The following MRTFA variants were observed in gnomAD, a reference collection of about 807,000 sequenced individuals.
MRTFA encodes the protein myocardin-related transcription factor A.
MRTFA carries 20 observed loss-of-function variants against 83.5 expected under a neutral mutation model. That is an observed-to-expected ratio of 0.24 (90% CI 0.17 to 0.35). The LOEUF (loss-of-function observed/expected upper bound fraction) is 0.35. MRTFA is among the 10% of genes least tolerant of loss of function. The probability of loss-of-function intolerance (pLI) is 1.00; values close to 1 mark genes in which losing one functional copy is unlikely to be tolerated. For synonymous variants in MRTFA, 659 were observed against 541.2 expected (o/e 1.22, Z -3.02); for missense variants, 1,200 against 1,224.7 (o/e 0.98, Z 0.30).
rs977523483 is a variant in MRTFA, at chr22:40,415,675, C to G, written c.2578+1311G>C. 2.0e-5 allele frequency among the ~76,000 whole-genome samples: 3 copies of G among 152,218 alleles called. No individual in the cohort carries two copies. In the East Asian group the frequency reaches 5.8e-4, roughly 29 times the overall value. On this transcript the variant is annotated intron_variant, in intron 14 of 14. Coordinates refer to ENST00000355630, the MANE Select transcript of MRTFA (RefSeq NM_020831.6). ...TTCTACTCCCAGCTGGGTCCCCTCA[C>G]ACAGACGCGCGCTATTTCCTGCCCA... is the stretch of plus-strand genomic sequence containing the variant.
chr22:40,547,249 G>A (rs572336444), intron 3 of MRTFA, among the ~76,000 whole-genome samples: 3 of 151,950 alleles, frequency 2.0e-5, no homozygotes, highest in South Asian at 2.1e-4. Context: ...ACAAAATAAA[G>A]TTTCTGCCCT....
chr22:40,534,619 C>T (rs935136129), intron 3 of MRTFA, among the ~76,000 whole-genome samples: 2 of 152,170 alleles, frequency 1.3e-5, no homozygotes, highest in Non-Finnish European at 2.9e-5. Context: ...AGCGATCTGC[C>T]CACCTTAGCC....
At chr22:40,498,273 ATTTTTTT>A (rs1189933906) in intron 3 of MRTFA, among the ~76,000 whole-genome samples, 2 of 40,980 alleles carry the variant, frequency 4.9e-5, no homozygotes, top group Non-Finnish European at 8.5e-5. Flanking sequence ...ATATATATAT[ATTTTTTT>A]TTTTTTTTTT....
At chr22:40,500,997 G>A (rs1257589368) in intron 3 of MRTFA, among the ~76,000 whole-genome samples, 1 of 132,762 alleles carries the variant, frequency 7.5e-6, no homozygotes, top group East Asian at 2.3e-4. Flanking sequence ...TCACCTCCCG[G>A]ACGGGGCGGC....
intron 3 of MRTFA, among the ~76,000 whole-genome samples, chr22:40,468,098 G>A (rs1332839746): frequency 6.6e-6 from 1 of 152,178 alleles, no homozygotes; most frequent in African/African-American, 2.4e-5. Flanking sequence ...TAGCTACTTT[G>A]GGGGTGAGGG....
At chr22:40,570,496 T>C (rs932486807) in intron 2 of MRTFA, among the ~76,000 whole-genome samples, 10 of 134,656 alleles carry the variant, frequency 7.4e-5, no homozygotes, top group African/African-American at 2.8e-4. Flanking sequence ...GAGAACGGCA[T>C]GAACCCAGGA....
In MRTFA at chr22:40,429,560, C is replaced by G. The variant is rs12160809; in HGVS notation, c.601+46G>C. 3 of 1,611,978 alleles carry G rather than the reference C, an allele frequency of 1.9e-6. No individual in the cohort carries two copies. In the East Asian group the frequency reaches 6.7e-5, roughly 36 times the overall value. On this transcript the variant is annotated intron_variant, in intron 7 of 14. Coordinates refer to ENST00000355630, the MANE Select transcript of MRTFA (RefSeq NM_020831.6). ...CTTCAGCCTGGCACTCCCTCCCCTCCTGCATCTCAGCTGCCTCTCACACAG... is the reference window on the plus strand; with the variant it reads ...CTTCAGCCTGGCACTCCCTCCCCTCGTGCATCTCAGCTGCCTCTCACACAG...
chr22:40,535,415 T>C (rs2055154220), intron 3 of MRTFA, among the ~76,000 whole-genome samples: 1 of 136,948 alleles, frequency 7.3e-6, no homozygotes, highest in Admixed American at 8.6e-5. Context: ...TACAATGGCA[T>C]GATCTCAGGT....
intron 4 of MRTFA, among the ~76,000 whole-genome samples, chr22:40,440,344 G>A (rs9611352): frequency 1.3e-5 from 2 of 152,106 alleles, no homozygotes; most frequent in South Asian, 2.1e-4. Context: ...TTCATTCATC[G>A]AGTGGTGGAC....
intron 3 of MRTFA, among the ~76,000 whole-genome samples, chr22:40,524,051 C>T (rs1323615798): frequency 6.6e-6 from 1 of 152,164 alleles, no homozygotes; most frequent in Admixed American, 6.6e-5. Flanking sequence ...ACCCTATAGT[C>T]AATGAGCAAA....
intron 3 of MRTFA, among the ~76,000 whole-genome samples, chr22:40,527,359 C>A (rs1215914168): frequency 6.6e-6 from 1 of 151,660 alleles, no homozygotes; most frequent in African/African-American, 2.4e-5. Flanking sequence ...TTTAGCTTGA[C>A]GAGTGCAAGG....
Position 40,461,714 on chromosome 22 carries a change from G to A in MRTFA, c.307+1507C>T, listed in dbSNP as rs542279706. Among the ~76,000 whole-genome samples the A allele has an allele frequency of 1.3e-3, 195 of 151,864 alleles. 1 individual carries two copies. The highest frequency in any genetic ancestry group is 2.5e-3 in the Non-Finnish European group (168 of 67,940). Reference sequence around the variant, plus strand: ...TTTGGGAGGCTGAGGCAGGAGAATGGCGTGAACCCGGGAGGCGGAGCTTGC... The same window carrying A: ...TTTGGGAGGCTGAGGCAGGAGAATGACGTGAACCCGGGAGGCGGAGCTTGC... On this transcript the variant is annotated intron_variant, in intron 4 of 14. Coordinates refer to ENST00000355630, the MANE Select transcript of MRTFA (RefSeq NM_020831.6).
At chr22:40,455,424 A>G (rs1468566432) in intron 4 of MRTFA, among the ~76,000 whole-genome samples, 1 of 151,812 alleles carries the variant, frequency 6.6e-6, no homozygotes, top group Admixed American at 6.6e-5. Context: ...AGGCGGGCGG[A>G]TCACGAGGTC....
intron 3 of MRTFA, among the ~76,000 whole-genome samples, chr22:40,472,470 G>A (rs2053931293): frequency 6.6e-6 from 1 of 152,134 alleles, no homozygotes; most frequent in African/African-American, 2.4e-5. Context: ...TTTGAACAAT[G>A]ATTCAGTTTT....
At chr22:40,490,254 C>T (rs2093153909) in intron 3 of MRTFA, among the ~76,000 whole-genome samples, 1 of 152,098 alleles carries the variant, frequency 6.6e-6, no homozygotes, top group Admixed American at 6.5e-5. Flanking sequence ...GACGTTAGTC[C>T]AGAACAGTTC....
Position 40,411,891 on chromosome 22 carries a change from G to A in MRTFA, c.2595C>T (p.Phe865=), listed in dbSNP as rs1186430663. ...TCCCTGGCAGGGATGGCGGCTCCTT[G>A]AAATCTGCTGAAATTTCTGCCAATC... is the stretch of plus-strand genomic sequence containing the variant. Residue 865 remains phenylalanine (F), a synonymous_variant, in exon 15 of 15, where the codon TTC becomes TTT. Coordinates refer to ENST00000355630, the MANE Select transcript of MRTFA (RefSeq NM_020831.6). 2.0e-6 allele frequency: 3 copies of A among 1,479,998 alleles called. No individual in the cohort carries two copies. In the South Asian group the frequency reaches 4.4e-5, roughly 22 times the overall value. 91.7% of individuals were successfully genotyped at this position (1,479,998 alleles called of 1,614,324 possible). A position where few individuals can be genotyped will look rare whatever the true frequency, so the allele number is the denominator to read the frequency against.
intron 2 of MRTFA, chr22:40,569,330 G>A: frequency 4.6e-6 from 1 of 216,814 alleles, no homozygotes; most frequent in African/African-American, 2.3e-5. Context: ...CTACAGGACT[G>A]CCCCTTTTGA....
intron 3 of MRTFA, among the ~76,000 whole-genome samples, chr22:40,478,792 A>G (rs995895898): frequency 1.3e-5 from 2 of 152,074 alleles, no homozygotes; most frequent in Non-Finnish European, 2.9e-5. Context: ...ACAGCAATCA[A>G]ACTCCAAATG....
chr22:40,576,156 G>A (rs1467375059), intron 2 of MRTFA, among the ~76,000 whole-genome samples: 1 of 150,884 alleles, frequency 6.6e-6, no homozygotes, highest in African/African-American at 2.4e-5. Flanking sequence ...AGCCTCCCAA[G>A]TAGCTGGGAT....
Sources: allele counts gnomAD v4.1 joint callset (sites outside exome capture counted in the v4.1 genomes callset), GRCh38; gene constraint gnomAD v4.1.1; transcripts MANE v1.5; gene names NCBI Gene and HGNC (gene_info 2026-07-23, HGNC 2026-07-21).